Variants in TSPAN14 observed in about 807,000 individuals in gnomAD.
TSPAN14 encodes tetraspanin 14, also known as tetraspanin-14.
Under a neutral mutation model 36.6 loss-of-function variants are expected in TSPAN14, and 16 were observed. That is an observed-to-expected ratio of 0.44 (90% CI 0.30 to 0.66). The LOEUF is 0.66. TSPAN14 is among the 30% of genes least tolerant of loss of function. TSPAN14 has a pLI of 0.12. For missense variants in TSPAN14, 231 were observed against 355.1 expected (o/e 0.65, Z 2.81); for synonymous variants, 139 against 143.8 (o/e 0.97, Z 0.24).
chr10:80,473,854 G>C (rs1433704478), intron 1 of TSPAN14, among the ~76,000 whole-genome samples: 1 of 152,034 alleles, frequency 6.6e-6, no homozygotes, highest in Non-Finnish European at 1.5e-5. Flanking sequence ...CTGGCTCTAA[G>C]GGGTGAGTCA....
At chr10:80,487,828 T>A (rs1259146325) in intron 1 of TSPAN14, among the ~76,000 whole-genome samples, 1 of 151,810 alleles carries the variant, frequency 6.6e-6, no homozygotes, top group Non-Finnish European at 1.5e-5. Flanking sequence ...AGAAGGAGGG[T>A]CTGGTGGGTG....
intron 1 of TSPAN14, among the ~76,000 whole-genome samples, chr10:80,480,438 C>A (rs963992202): frequency 6.6e-6 from 1 of 152,082 alleles, no homozygotes; most frequent in Non-Finnish European, 1.5e-5. Context: ...GGGTATATAC[C>A]CAAAGGTCTA....
At chr10:80,465,998 T>C (rs1846225016) in intron 1 of TSPAN14, among the ~76,000 whole-genome samples, 2 of 152,034 alleles carry the variant, frequency 1.3e-5, no homozygotes, top group African/African-American at 4.8e-5. Context: ...GTCTGACTTC[T>C]CTATCTGAGG....
chr10:80,514,123 A>G, intron 7 of TSPAN14, 60 bp downstream of exon 7: 2 of 1,493,818 alleles, frequency 1.3e-6, no homozygotes, highest in South Asian at 2.3e-5. Context: ...CTGTGGTTCA[A>G]CATTCTGATT....
rs1179553321 is a variant in TSPAN14, at chr10:80,469,656, A to G, written c.-18+15285A>G. Among the ~76,000 whole-genome samples, 4 of 152,346 alleles carry G rather than the reference A, an allele frequency of 2.6e-5. No homozygotes were observed. In the East Asian group the frequency reaches 7.7e-4, roughly 29 times the overall value. ...TCACCATTGATTTGCAGTTTAAAAA[A>G]TTCTGCCGCCTCTTCCTCCTCTCTT... On this transcript the variant is annotated intron_variant, in intron 1 of 8. Coordinates refer to ENST00000429989, the Ensembl canonical transcript of TSPAN14.
rs570717589 is a variant in TSPAN14, at chr10:80,478,197, A to G, written c.-17-11020A>G. 2.6e-5 allele frequency among the ~76,000 whole-genome samples: 4 copies of G among 152,390 alleles called. No homozygotes were observed. The South Asian group carries it at 8.3e-4, about 32-fold the overall frequency. On this transcript the variant is annotated intron_variant, in intron 1 of 8. Coordinates refer to ENST00000429989, the Ensembl canonical transcript of TSPAN14. Reference sequence around the variant, plus strand: ...CATGAAATAAGAACAGGATACAATAAAAAGGAACAGTTAGAAAACAAAGTT... The same window carrying G: ...CATGAAATAAGAACAGGATACAATAGAAAGGAACAGTTAGAAAACAAAGTT...
chr10:80,520,216 T>C, exon 9 of TSPAN14: 1 of 198,788 alleles, frequency 5.0e-6, no homozygotes, highest in South Asian at 8.6e-5. Flanking sequence ...CCTGCAGGCC[T>C]GACCCATCTA....
intron 1 of TSPAN14, among the ~76,000 whole-genome samples, chr10:80,482,706 C>G (rs1256782900): frequency 6.9e-6 from 1 of 144,700 alleles, no homozygotes; most frequent in Non-Finnish European, 1.5e-5. Flanking sequence ...TTAGTGGTTT[C>G]TCATTGTCAG....
intron 1 of TSPAN14, among the ~76,000 whole-genome samples, chr10:80,476,311 A>G (rs752117466): frequency 6.6e-6 from 1 of 152,064 alleles, no homozygotes; most frequent in African/African-American, 2.4e-5. Flanking sequence ...TCAAGGCTGC[A>G]GTGAGCCCAG....
At chr10:80,512,406 C>A in intron 6 of TSPAN14, 137 bp downstream of exon 6, 1 of 1,287,960 alleles carries the variant, frequency 7.8e-7, no homozygotes, top group Non-Finnish European at 1.0e-6. Context: ...ACACCCTCCT[C>A]AAGGCTGCCT....
chr10:80,462,381 G>T (rs577371370), intron 1 of TSPAN14, among the ~76,000 whole-genome samples: 3 of 151,518 alleles, frequency 2.0e-5, no homozygotes, highest in Non-Finnish European at 2.9e-5. Context: ...GGGTGGGGTG[G>T]GGTGGAGGAG....
At chr10:80,489,825 C>G (rs532654997) in intron 2 of TSPAN14, among the ~76,000 whole-genome samples, 1 of 152,262 alleles carries the variant, frequency 6.6e-6, no homozygotes, top group South Asian at 2.1e-4. Context: ...GACAGGCATT[C>G]TGTGGAGGTG....
At chr10:80,512,110 G>C (rs754445359) in intron 5 of TSPAN14, 34 bp from the exon 6 acceptor site, 2 of 1,613,788 alleles carry the variant, frequency 1.2e-6, no homozygotes. Flanking sequence ...CCCTGTCTTG[G>C]AGCCCCTAAC....
chr10:80,503,687 A>T (rs1327568639), intron 2 of TSPAN14, among the ~76,000 whole-genome samples: 1 of 152,046 alleles, frequency 6.6e-6, no homozygotes, highest in Non-Finnish European at 1.5e-5. Context: ...TTCAGGTTGG[A>T]TGAGACTTCC....
intron 2 of TSPAN14, among the ~76,000 whole-genome samples, chr10:80,489,692 A>T (rs1847820584): frequency 6.6e-6 from 1 of 152,200 alleles, no homozygotes; most frequent in Admixed American, 6.5e-5. Context: ...AGGTTCTGGG[A>T]GGTGATAACA....
intron 2 of TSPAN14, among the ~76,000 whole-genome samples, chr10:80,496,652 T>C (rs1333935103): frequency 6.6e-6 from 1 of 152,210 alleles, no homozygotes; most frequent in Non-Finnish European, 1.5e-5. Flanking sequence ...GGTTTAGTTT[T>C]TTATTTTGTT....
chr10:80,481,190 A>C (rs553554920), intron 1 of TSPAN14, among the ~76,000 whole-genome samples: 16 of 152,318 alleles, frequency 1.1e-4, no homozygotes, highest in African/African-American at 3.4e-4. Context: ...AAACTCGTGA[A>C]GGTGAACAAA....
intron 2 of TSPAN14, among the ~76,000 whole-genome samples, chr10:80,491,961 C>T (rs1361139628): frequency 6.6e-6 from 1 of 152,118 alleles, no homozygotes; most frequent in Non-Finnish European, 1.5e-5. Context: ...ATGGAGCTGG[C>T]AAATGGGGTG....
intron 1 of TSPAN14, among the ~76,000 whole-genome samples, chr10:80,481,730 A>G (rs151133885): frequency 1.4e-3 from 211 of 152,342 alleles, no homozygotes; most frequent in African/African-American, 4.7e-3. Context: ...GGTTCAAGCG[A>G]TTCTCCTGCC....
Sources: gnomAD v4.1 joint callset for allele counts (sites outside exome capture counted in the v4.1 genomes callset) on GRCh38, gnomAD v4.1.1 for gene constraint, MANE v1.5 for transcripts, NCBI Gene and HGNC (gene_info 2026-07-23, HGNC 2026-07-21) for gene names.